The following PCDHA3 variants were observed in gnomAD, a reference collection of about 807,000 sequenced individuals.
PCDHA3 encodes the protein protocadherin alpha-3.
In PCDHA3, 41 loss-of-function variants were observed where a neutral mutation model predicts 62.2. The observed-to-expected ratio is 0.66, with a 90% CI of 0.51 to 0.86. The LOEUF is 0.86. PCDHA3 is among the 40% of genes least tolerant of loss of function. The pLI is 0.00. For synonymous variants in PCDHA3, 640 were observed against 555.4 expected (o/e 1.15, Z -2.14); for missense variants, 1,304 against 1,241.2 (o/e 1.05, Z -0.76).
chr5:140,869,476 G>T (rs530490517), intron 1 of PCDHA3: 1 of 1,614,194 alleles, frequency 6.2e-7, no homozygotes, highest in African/African-American at 1.3e-5. Flanking sequence ...GGAGGTGAAG[G>T]ACATTAACGA....
In PCDHA3 at chr5:141,009,991, T is replaced by G. The variant is rs929729966; in HGVS notation, c.*54T>G. Reference sequence around the variant, plus strand: ...CCAGTTTTTGTAATAATGGCAAATCTCTCCCATGTAGCAATTCCCTGCTCC... The same window carrying G: ...CCAGTTTTTGTAATAATGGCAAATCGCTCCCATGTAGCAATTCCCTGCTCC... On this transcript the variant is annotated 3_prime_UTR_variant, in exon 4 of 4. Coordinates refer to ENST00000522353, the MANE Select transcript of PCDHA3 (RefSeq NM_018906.3). 13 of 1,578,088 alleles carry G rather than the reference T, an allele frequency of 8.2e-6. No individual in the cohort carries two copies. In the East Asian group the frequency reaches 2.5e-4, roughly 30 times the overall value.
intron 1 of PCDHA3, chr5:140,865,401 G>A (rs1011488006): frequency 6.6e-6 from 1 of 152,158 alleles, no homozygotes; most frequent in Non-Finnish European, 1.5e-5. Flanking sequence ...TATAAATGCT[G>A]AAAAGGAATT....
intron 1 of PCDHA3, chr5:140,857,495 G>T: frequency 6.3e-7 from 1 of 1,598,344 alleles, no homozygotes; most frequent in Non-Finnish European, 8.6e-7. Context: ...GGACGCGGAC[G>T]CGCAGGAGAA....
intron 1 of PCDHA3, chr5:140,822,071 C>A: frequency 1.2e-6 from 2 of 1,614,192 alleles, no homozygotes; most frequent in Non-Finnish European, 1.7e-6. Flanking sequence ...CGGCGGAGGG[C>A]GGAGTGCAGC....
chr5:140,936,868 A>T (rs543976186), intron 1 of PCDHA3, among the ~76,000 whole-genome samples: 3 of 152,270 alleles, frequency 2.0e-5, no homozygotes, highest in South Asian at 2.1e-4. Flanking sequence ...TTTCTATTTT[A>T]AAAAACCCTG....
At chr5:140,848,345 G>A (rs1781463859) in intron 1 of PCDHA3, 3 of 918,556 alleles carry the variant, frequency 3.3e-6, no homozygotes, top group South Asian at 3.3e-5. Context: ...GACAAATACA[G>A]CCCTTTTCCC....
At chr5:140,821,709 G>C in intron 1 of PCDHA3, 1 of 1,452,026 alleles carries the variant, frequency 6.9e-7, no homozygotes, top group Non-Finnish European at 9.3e-7. Flanking sequence ...AGTTAATTGG[G>C]AATTGAATTT....
chr5:140,813,858 G>C (rs1554126343), intron 1 of PCDHA3: 1 of 152,212 alleles, frequency 6.6e-6, no homozygotes, highest in Non-Finnish European at 1.5e-5. Context: ...AATTAGCTAG[G>C]TGTGGTGACA....
At position 140,901,836 on chromosome 5, in the gene PCDHA3, G is replaced by A. The variant is rs183480993; in HGVS notation, c.2395-77113G>A. On this transcript the variant is annotated intron_variant, in intron 1 of 3. Coordinates refer to ENST00000522353, the MANE Select transcript of PCDHA3 (RefSeq NM_018906.3). The stretch of plus-strand genomic sequence containing the variant: ...ATTGATTCTTCCAGTCCATAAACAT[G>A]CAATATCTTTCCATTTTTTTGTGTC... 2.6e-3 allele frequency among the ~76,000 whole-genome samples: 395 copies of A among 152,228 alleles called. 2 individuals carry two copies. The highest frequency in any genetic ancestry group is 9.2e-3 in the African/African-American group (384 of 41,554).
At chr5:140,967,815 A>G in intron 1 of PCDHA3, 1 of 1,614,180 alleles carries the variant, frequency 6.2e-7, no homozygotes. Context: ...GGTCACTGCA[A>G]GGTGCTGGTG....
chr5:140,935,280 G>A (rs1039041502), intron 1 of PCDHA3, among the ~76,000 whole-genome samples: 2 of 152,114 alleles, frequency 1.3e-5, no homozygotes, highest in Admixed American at 6.5e-5. Context: ...ATCTAATAAA[G>A]TTCAGCACTC....
chr5:140,815,317 A>G (rs1384062495), intron 1 of PCDHA3: 1 of 151,994 alleles, frequency 6.6e-6, no homozygotes, highest in South Asian at 2.1e-4. Context: ...TTGTAATGCT[A>G]TGTTTTTGTT....
intron 1 of PCDHA3, among the ~76,000 whole-genome samples, chr5:140,946,992 A>T (rs1393633852): frequency 1.3e-5 from 2 of 151,908 alleles, no homozygotes; most frequent in East Asian, 3.9e-4. Context: ...TGAGTGTTCT[A>T]ACTTCAAAGA....
chr5:140,814,516 AG>A (rs1554126542), intron 1 of PCDHA3: 1 of 152,172 alleles, frequency 6.6e-6, no homozygotes, highest in African/African-American at 2.4e-5. Context: ...ACCACTAAAA[AG>A]TATAGTAAAT....
chr5:140,857,789 C>T lies in PCDHA3; in HGVS notation c.2394+54198C>T, dbSNP rs576562662. Reference sequence around the variant, plus strand: ...GGGCGGTGCAGTCAGTGAGCTGGTGCTGCGGTCGGTGGTTGCGGGTCACGT... The same window carrying T: ...GGGCGGTGCAGTCAGTGAGCTGGTGTTGCGGTCGGTGGTTGCGGGTCACGT... On this transcript the variant is annotated intron_variant, in intron 1 of 3. Transcript: ENST00000522353. 7.5e-6 allele frequency: 12 copies of T among 1,597,704 alleles called. No homozygotes were observed. In the African/African-American group the frequency reaches 1.5e-4, roughly 20 times the overall value.
intron 1 of PCDHA3, among the ~76,000 whole-genome samples, chr5:140,959,312 C>G (rs2095480226): frequency 6.6e-6 from 1 of 151,968 alleles, no homozygotes; most frequent in South Asian, 2.1e-4. Flanking sequence ...GTGGTTGAAG[C>G]TGCAATAAGT....
At chr5:140,955,187 T>C (rs1230644276) in intron 1 of PCDHA3, among the ~76,000 whole-genome samples, 1 of 152,198 alleles carries the variant, frequency 6.6e-6, no homozygotes, top group Non-Finnish European at 1.5e-5. Flanking sequence ...TTTTGTGGTG[T>C]ATATGAAGTC....
intron 1 of PCDHA3, among the ~76,000 whole-genome samples, chr5:140,881,137 A>G (rs1554171789): frequency 6.6e-6 from 1 of 152,246 alleles, no homozygotes; most frequent in Non-Finnish European, 1.5e-5. Context: ...AGAGATAGTT[A>G]TAACAATAGA....
At chr5:140,972,740 T>G (rs2096553417) in intron 1 of PCDHA3, among the ~76,000 whole-genome samples, 1 of 149,910 alleles carries the variant, frequency 6.7e-6, no homozygotes, top group Admixed American at 6.8e-5. Flanking sequence ...CCCGGCTCAC[T>G]GCAACCTCCG....
Sources: allele counts gnomAD v4.1 joint callset (sites outside exome capture counted in the v4.1 genomes callset), GRCh38; gene constraint gnomAD v4.1.1; transcripts MANE v1.5; gene names NCBI Gene and HGNC (gene_info 2026-07-23, HGNC 2026-07-21).